Variants in BCCIP observed in about 807,000 individuals in gnomAD.
The protein encoded by BCCIP is BRCA2 and CDKN1A interacting protein, also known as BRCA2 and CDKN1A-interacting protein.
A neutral mutation model predicts 32.8 loss-of-function variants in BCCIP; 23 were observed. That is an observed-to-expected ratio of 0.70 (90% CI 0.51 to 0.99). The LOEUF is 0.99. BCCIP is among the 50% of genes least tolerant of loss of function. BCCIP has a pLI of 0.00. For missense variants in BCCIP, 378 were observed against 379.8 expected, an observed-to-expected ratio of 1.00 and a Z score of 0.04; for synonymous variants, 144 against 137.6, an observed-to-expected ratio of 1.05 and a Z score of -0.33.
chr10:125,840,869 T>G (rs34617890), downstream of BCCIP: 1,664 of 1,599,026 alleles, frequency 1.0e-3, 8 homozygotes, highest in African/African-American at 0.02. Flanking sequence ...AATTCAGAGT[T>G]GTGTCTTGGT....
exon 7 of BCCIP, chr10:125,842,764 T>A (rs1259289456): frequency 2.2e-6 from 2 of 916,314 alleles, no homozygotes; most frequent in Non-Finnish European, 1.3e-6. Flanking sequence ...TAGACAAAGA[T>A]GTTATTTCCC....
chr10:125,846,289 G>A (rs1286835165), downstream of BCCIP, among the ~76,000 whole-genome samples: 1 of 152,174 alleles, frequency 6.6e-6, no homozygotes, highest in East Asian at 1.9e-4. Context: ...TTAAACAAGA[G>A]TTGGCACTGT....
At chr10:125,831,346 T>G (rs914667610) in intron 4 of BCCIP, 74 bp from the exon 5 acceptor site, 1 of 1,438,856 alleles carries the variant, frequency 6.9e-7, no homozygotes, top group African/African-American at 1.4e-5. Flanking sequence ...TGAAAAGTGA[T>G]AGCTTTTACT....
Position 125,823,582 on chromosome 10 carries a change from G to T in BCCIP, c.25G>T (p.Ala9Ser), listed in dbSNP as rs776546665. 35 of 1,613,880 alleles carry T rather than the reference G, an allele frequency of 2.2e-5. No individual in the cohort carries two copies. In the Admixed American group the frequency reaches 4.2e-4, roughly 19 times the overall value. MASRSKRR[A>S]VESGVPQPPD... ...CATGGCGTCCAGGTCTAAGCGGCGT[G>T]CCGTGGAAAGTGGGGTTCCGCAGCC... The change falls in exon 1 of 7, where the codon GCC becomes TCC. Residue 9 changes from alanine to serine, a missense_variant. By Grantham distance (99) the Ala-to-Ser change is moderately conservative. Transcript: ENST00000278100.
At chr10:125,852,399 T>C (rs763853674) in intron 7 of BCCIP, 1 of 1,614,228 alleles carries the variant, frequency 6.2e-7, no homozygotes, top group Admixed American at 1.7e-5. Context: ...CTGGCTTCAG[T>C]GGCGTCATGT....
At chr10:125,828,120 G>C (rs1030264793) in intron 3 of BCCIP, among the ~76,000 whole-genome samples, 12 of 152,108 alleles carry the variant, frequency 7.9e-5, no homozygotes, top group African/African-American at 2.9e-4. Flanking sequence ...GAGAGGGAGA[G>C]AAGTGGGCTC....
At chr10:125,834,499 T>C (rs1854601998) in intron 6 of BCCIP, among the ~76,000 whole-genome samples, 1 of 151,952 alleles carries the variant, frequency 6.6e-6, no homozygotes, top group Non-Finnish European at 1.5e-5. Context: ...TACCCTCTCT[T>C]CCTCTGAAAA....
chr10:125,827,363 ACTT>A (rs1264802101), intron 2 of BCCIP, among the ~76,000 whole-genome samples, 192 bp from the exon 3 acceptor site: 4 of 150,600 alleles, frequency 2.7e-5, no homozygotes, highest in South Asian at 4.2e-4. Flanking sequence ...ATTACTACTG[ACTT>A]CTTCTTTTCT....
At chr10:125,846,692 A>G (rs1944026013), downstream of BCCIP, among the ~76,000 whole-genome samples, 1 of 152,200 alleles carries the variant, frequency 6.6e-6, no homozygotes, top group African/African-American at 2.4e-5. Flanking sequence ...TTCCATACTT[A>G]TAGGACAGGA....
At chr10:125,826,727 C>A (rs1462337413) in intron 2 of BCCIP, 62 bp downstream of exon 2, 2 of 1,592,332 alleles carry the variant, frequency 1.3e-6, no homozygotes, top group African/African-American at 2.7e-5. Flanking sequence ...GGGCCGGGTG[C>A]AGTGGTTCAT....
downstream of BCCIP, chr10:125,841,361 T>C (rs1052344282): frequency 3.1e-6 from 5 of 1,613,858 alleles, no homozygotes; most frequent in Admixed American, 1.7e-5. Context: ...TTAGAATAAA[T>C]TAAAACATAC....
chr10:125,836,167 T>G lies in BCCIP; in HGVS notation c.838T>G (p.Trp280Gly). Residue 280 changes from tryptophan to glycine, a missense_variant, in exon 7 of 7, where the codon TGG becomes GGG. Physicochemically the swap from Trp to Gly is radical, Grantham distance 184. Transcript: ENST00000278100. ...GAGCGACACTTGTCTGGGAGGCAAA[T>G]GGTCTTTTGATGACGTACCAATGAC... ...EESDTCLGGK[W>G]SFDDVPMTPL... is the part of the protein sequence containing the mutation. The G allele has an allele frequency of 6.2e-7, 1 of 1,614,190 alleles. No individual in the cohort carries two copies. The highest frequency in any genetic ancestry group is 8.5e-7 in the Non-Finnish European group (1 of 1,180,004).
rs73381248 is a variant in BCCIP at position 125,851,959 on chromosome 10, A to G, written c.851-1166A>G. Among the ~76,000 whole-genome samples the G allele has an allele frequency of 4.7e-3, 711 of 151,336 alleles. 7 individuals are homozygous for G. The highest frequency in any genetic ancestry group is 0.016 in the African/African-American group (645 of 41,206). On this transcript the variant is annotated intron_variant, in intron 7 of 7. Coordinates refer to the BCCIP transcript ENST00000368759. The stretch of plus-strand genomic sequence containing the variant: ...AAAAAAAAGAAAAGAAAAAAGGACA[A>G]TTCAAGCTGCTGAGAATTCTTCTTT...
Position 125,826,678 on chromosome 10 carries a change from A to G in BCCIP, c.240+13A>G, listed in dbSNP as rs1308585056. The G allele has an allele frequency of 1.5e-5, 24 of 1,612,236 alleles. No individual in the cohort carries two copies. The highest frequency in any genetic ancestry group is 2.0e-5 in the Non-Finnish European group (24 of 1,179,254). The stretch of plus-strand genomic sequence containing the variant: ...ATTACTGCAGCAGGTATTGTCTTTT[A>G]TTTATTATGCATAAATTTCCTCTTC... On this transcript the variant is annotated intron_variant, in intron 2 of 6. Transcript: ENST00000278100.
chr10:125,832,953 A>G (rs749617912), intron 5 of BCCIP, among the ~76,000 whole-genome samples: 12 of 151,558 alleles, frequency 7.9e-5, no homozygotes, highest in Admixed American at 3.3e-4. Context: ...CAATTCTACT[A>G]AAAATACACC....
chr10:125,836,943 G>C, downstream of BCCIP: 1 of 1,153,998 alleles, frequency 8.7e-7, no homozygotes, highest in East Asian at 2.4e-5. Flanking sequence ...TCCCATCCCT[G>C]GAGAATCTAC....
chr10:125,831,212 C>T (rs1854513621), intron 4 of BCCIP, among the ~76,000 whole-genome samples: 1 of 152,206 alleles, frequency 6.6e-6, no homozygotes. Context: ...TTATGACTCT[C>T]TTACCACTCA....
At chr10:125,837,691 G>T (rs1209772751), downstream of BCCIP, among the ~76,000 whole-genome samples, 1 of 152,172 alleles carries the variant, frequency 6.6e-6, no homozygotes, top group Non-Finnish European at 1.5e-5. Context: ...GCCTCCCAAG[G>T]TGCCTGGCCA....
At chr10:125,825,588 A>C (rs1854371568) in intron 1 of BCCIP, 1 of 152,212 alleles carries the variant, frequency 6.6e-6, no homozygotes, top group Non-Finnish European at 1.5e-5. Flanking sequence ...AGGGCCTTGC[A>C]ATTTTACAAT....
Sources: gnomAD v4.1 joint callset for allele counts (sites outside exome capture counted in the v4.1 genomes callset) on GRCh38, gnomAD v4.1.1 for gene constraint, MANE v1.5 for transcripts, NCBI Gene and HGNC (gene_info 2026-07-23, HGNC 2026-07-21) for gene names.